CPA5: variants seen among roughly 807,000 people sequenced by gnomAD.
The protein encoded by CPA5 is testicular tissue protein Li 32.
In CPA5, 38 loss-of-function variants were observed where a neutral mutation model predicts 52.2. That is an observed-to-expected ratio of 0.73 (90% CI 0.56 to 0.95). CPA5 has a LOEUF of 0.95. Among genes scored for constraint, CPA5 ranks in the 40% least tolerant of loss-of-function variants. CPA5 has a pLI of 0.00. For synonymous variants in CPA5, 198 were observed against 213.7 expected, an observed-to-expected ratio of 0.93 and a Z score of 0.64; for missense variants, 519 against 566.7, an observed-to-expected ratio of 0.92 and a Z score of 0.86.
intron 10 of CPA5, among the ~76,000 whole-genome samples, chr7:130,365,172 C>A (rs1554407892): frequency 2.0e-5 from 3 of 152,140 alleles, no homozygotes; most frequent in African/African-American, 7.2e-5. Flanking sequence ...AGGTCCCTGG[C>A]CCTAGCGTGG....
chr7:130,356,163 C>T (rs1795463092), intron 5 of CPA5, among the ~76,000 whole-genome samples: 1 of 148,778 alleles, frequency 6.7e-6, no homozygotes, highest in South Asian at 2.2e-4. Flanking sequence ...GTCCATTTTG[C>T]ATCTGTGGCT....
intron 5 of CPA5, among the ~76,000 whole-genome samples, chr7:130,351,118 C>A (rs1433614292): frequency 2.0e-5 from 3 of 152,218 alleles, no homozygotes; most frequent in Non-Finnish European, 4.4e-5. Context: ...GGCTGGGGAA[C>A]TTTGGTCCTT....
At chr7:130,364,339 C>T (rs1168868773) in intron 10 of CPA5, among the ~76,000 whole-genome samples, 1 of 152,138 alleles carries the variant, frequency 6.6e-6, no homozygotes, top group Non-Finnish European at 1.5e-5. Flanking sequence ...ATTGCAGGTG[C>T]CCACCACCAC....
chr7:130,352,008 C>T (rs1406755014), intron 5 of CPA5, among the ~76,000 whole-genome samples: 1 of 152,168 alleles, frequency 6.6e-6, no homozygotes, highest in Non-Finnish European at 1.5e-5. Flanking sequence ...TACCCCAGTA[C>T]CTACCATAGG....
At chr7:130,371,583 T>A (rs1452013219), downstream of CPA5, among the ~76,000 whole-genome samples, 1 of 151,962 alleles carries the variant, frequency 6.6e-6, no homozygotes, top group African/African-American at 2.4e-5. Flanking sequence ...TCTTTTTTTT[T>A]TTTTGAGACG....
At chr7:130,365,440 C>A (rs1796026567) in intron 10 of CPA5, among the ~76,000 whole-genome samples, 1 of 152,180 alleles carries the variant, frequency 6.6e-6, no homozygotes, top group African/African-American at 2.4e-5. Context: ...TGGAAAAAAG[C>A]CCAGAGGGGG....
chr7:130,367,649 C>A, intron 11 of CPA5, 78 bp downstream of exon 11: 1 of 1,386,368 alleles, frequency 7.2e-7, no homozygotes, highest in Non-Finnish European at 1.0e-6. Context: ...TCCCAGAGGG[C>A]TCAGGTTGTT....
downstream of CPA5, among the ~76,000 whole-genome samples, chr7:130,370,149 T>TG (rs1208628126): frequency 5.3e-5 from 8 of 152,160 alleles, no homozygotes; most frequent in Admixed American, 2.0e-4. Flanking sequence ...GTGGTCATGG[T>TG]GGCACAGCAG....
intron 3 of CPA5, among the ~76,000 whole-genome samples, chr7:130,347,439 C>T (rs67480615): frequency 6.6e-6 from 1 of 152,016 alleles, no homozygotes; most frequent in Admixed American, 6.5e-5. Context: ...ACACATCGCC[C>T]CCCTCCCCAT....
chr7:130,370,013 G>C (rs1452963238), downstream of CPA5, among the ~76,000 whole-genome samples: 4 of 152,256 alleles, frequency 2.6e-5, no homozygotes, highest in African/African-American at 9.6e-5. Context: ...AAGGAGACTA[G>C]ACAGAGGATT....
At chr7:130,359,303 A>G (rs1399137743) in intron 5 of CPA5, among the ~76,000 whole-genome samples, 1 of 152,260 alleles carries the variant, frequency 6.6e-6, no homozygotes, top group Non-Finnish European at 1.5e-5. Context: ...CTAAGGCCAC[A>G]GTAAATTCCA....
At chr7:130,355,676 T>G (rs1795438247) in intron 5 of CPA5, among the ~76,000 whole-genome samples, 1 of 152,234 alleles carries the variant, frequency 6.6e-6, no homozygotes, top group Non-Finnish European at 1.5e-5. Flanking sequence ...CCCAAAGTGC[T>G]GGGATTACAG....
chr7:130,360,661 T>C (rs1212498929), intron 6 of CPA5, among the ~76,000 whole-genome samples: 1 of 152,228 alleles, frequency 6.6e-6, no homozygotes, highest in Non-Finnish European at 1.5e-5. Flanking sequence ...AATGAAATAA[T>C]ACAGTCTGTC....
At chr7:130,348,437 T>C (rs1210651156) in intron 4 of CPA5, among the ~76,000 whole-genome samples, 2 of 152,234 alleles carry the variant, frequency 1.3e-5, no homozygotes, top group Admixed American at 6.5e-5. Flanking sequence ...TGTCTGAGTG[T>C]CCCGTCGACT....
rs1469894123 is a variant in CPA5, at chr7:130,355,566, C to A, written c.334-4023C>A. Reference sequence around the variant, plus strand: ...GGCTTACAGGCGCGCGCCACCACGCCTGGCTGATTTTTGTATTTTTAGTAG... The same window carrying A: ...GGCTTACAGGCGCGCGCCACCACGCATGGCTGATTTTTGTATTTTTAGTAG... On this transcript the variant is annotated intron_variant, in intron 5 of 12. Coordinates refer to ENST00000474905, the MANE Select transcript of CPA5 (RefSeq NM_080385.5). 4.6e-5 allele frequency among the ~76,000 whole-genome samples: 7 copies of A among 152,168 alleles called. No individual in the cohort carries two copies. In the East Asian group the frequency reaches 1.3e-3, roughly 29 times the overall value.
chr7:130,371,569 G>T (rs1322123582), downstream of CPA5, among the ~76,000 whole-genome samples: 1 of 151,084 alleles, frequency 6.6e-6, no homozygotes, highest in Non-Finnish European at 1.5e-5. Flanking sequence ...CCAGATGGAG[G>T]TCTTCTTTTT....
chr7:130,363,567 G>A lies in CPA5; in HGVS notation c.838+58G>A, dbSNP rs967668124. 5.1e-6 allele frequency: 7 copies of A among 1,380,488 alleles called. No individual in the cohort carries two copies. The African/African-American group carries it at 5.7e-5, about 11-fold the overall frequency. 85.5% of individuals were successfully genotyped at this position (1,380,488 alleles called of 1,614,324 possible). ...GAGAAGAGGTGTTGGCCCATGGCAG[G>A]TTCTCCCACTCAGTCAGATTATGTT... On this transcript the variant is annotated intron_variant, in intron 10 of 12. Coordinates refer to ENST00000474905, the MANE Select transcript of CPA5 (RefSeq NM_080385.5).
At chr7:130,357,981 T>TGTGC (rs1554405639) in intron 5 of CPA5, among the ~76,000 whole-genome samples, 1 of 149,324 alleles carries the variant, frequency 6.7e-6, no homozygotes, top group African/African-American at 2.4e-5. Context: ...TGTGTGTGTG[T>TGTGC]GTGTGTGTGT....
chr7:130,347,962 G>A (rs571304050), intron 4 of CPA5, 115 bp downstream of exon 4: 22 of 758,572 alleles, frequency 2.9e-5, no homozygotes, highest in Admixed American at 2.8e-4. Flanking sequence ...TCCCTGCAAA[G>A]AGCACAGACC....
Sources: gnomAD v4.1 joint callset for allele counts (sites outside exome capture counted in the v4.1 genomes callset) on GRCh38, gnomAD v4.1.1 for gene constraint, MANE v1.5 for transcripts, NCBI Gene and HGNC (gene_info 2026-07-23, HGNC 2026-07-21) for gene names.